Variants in ACTA2 observed in about 807,000 individuals in gnomAD.
ACTA2 encodes actin alpha 2, smooth muscle, also known as actin, aortic smooth muscle.
A neutral mutation model predicts 39.5 loss-of-function variants in ACTA2; 12 were observed. The ratio of observed to expected loss-of-function variants is 0.30; its 90% CI spans 0.19 to 0.49. ACTA2 has a LOEUF of 0.49. ACTA2 is among the 20% of genes least tolerant of loss of function. The pLI is 0.99. For missense variants in ACTA2, 236 were observed against 498.8 expected, an observed-to-expected ratio of 0.47 and a Z score of 5.02; for synonymous variants, 158 against 180.6, an observed-to-expected ratio of 0.88 and a Z score of 1.00.
At chr10:88,983,813 AACCC>A (rs909911790) in intron 1 of ACTA2, among the ~76,000 whole-genome samples, 42 of 152,290 alleles carry the variant, frequency 2.8e-4, no homozygotes, top group African/African-American at 9.6e-4. Context: ...AACTTTGATA[AACCC>A]ATTGAATGAC....
chr10:88,956,510 T>A (rs138403589), upstream of ACTA2, among the ~76,000 whole-genome samples: 833 of 152,320 alleles, frequency 5.5e-3, 5 homozygotes, highest in Middle Eastern at 0.027. Flanking sequence ...TTTAAGATTA[T>A]CGATTTAATC....
At chr10:88,989,760 T>A (rs1847055490) in intron 1 of ACTA2, among the ~76,000 whole-genome samples, 1 of 152,156 alleles carries the variant, frequency 6.6e-6, no homozygotes, top group East Asian at 1.9e-4. Context: ...TGAATCTAAT[T>A]GGGAAGGGAG....
At chr10:88,973,015 T>A (rs892173289) in intron 1 of ACTA2, among the ~76,000 whole-genome samples, 1 of 152,232 alleles carries the variant, frequency 6.6e-6, no homozygotes, top group Non-Finnish European at 1.5e-5. Flanking sequence ...AAAGCAAAAT[T>A]GAAACCATTT....
At chr10:88,940,583 G>A (rs1343201423) in intron 6 of ACTA2, 3 of 165,408 alleles carry the variant, frequency 1.8e-5, no homozygotes, top group East Asian at 3.2e-4. Flanking sequence ...CCAGCACTGA[G>A]GACATACAAT....
Position 88,939,561 on chromosome 10 carries a change from TG to T in ACTA2, c.753del (p.Ile252SerfsTer34), listed in dbSNP as rs772546477. On this transcript the variant is annotated frameshift_variant, in exon 7 of 9. Transcript: ENST00000224784. LOFTEE classifies it high-confidence loss of function. ...GGGCAGCGGAAACGTTCATTTCCGA[TG>T]GTGATCACTTGCCCATCAGGCAACT... ...SYELPDGQVITIGNERFRCPE... is the reference protein window; with the variant it reads ...SYELPDGQVIXIGNERFRCPE... 4 of 1,614,084 alleles carry T rather than the reference TG, an allele frequency of 2.5e-6. No homozygotes were observed.
chr10:88,972,069 C>T (rs1271696494), intron 1 of ACTA2, among the ~76,000 whole-genome samples: 1 of 151,986 alleles, frequency 6.6e-6, no homozygotes, highest in Non-Finnish European at 1.5e-5. Flanking sequence ...CCACCACGCC[C>T]AGTTAATTTT....
intron 1 of ACTA2, among the ~76,000 whole-genome samples, chr10:88,978,361 G>A (rs1846624947): frequency 6.6e-6 from 1 of 151,188 alleles, no homozygotes; most frequent in South Asian, 2.1e-4. Flanking sequence ...TAACTAACCT[G>A]CATAATGTGC....
At chr10:88,961,826 T>C (rs949363417) in intron 1 of ACTA2, among the ~76,000 whole-genome samples, 6 of 152,202 alleles carry the variant, frequency 3.9e-5, no homozygotes, top group Non-Finnish European at 8.8e-5. Context: ...GAAAAGGTAC[T>C]AGGCTTTATT....
At chr10:88,949,961 A>T (rs1196999825) in intron 1 of ACTA2, among the ~76,000 whole-genome samples, 1 of 152,106 alleles carries the variant, frequency 6.6e-6, no homozygotes, top group African/African-American at 2.4e-5. Context: ...AACCCATTTT[A>T]TACTTGGATC....
chr10:88,977,540 A>G (rs1256748766), intron 1 of ACTA2, among the ~76,000 whole-genome samples: 2 of 152,164 alleles, frequency 1.3e-5, no homozygotes, highest in Admixed American at 6.5e-5. Flanking sequence ...ATGAACTCAA[A>G]CAAATTTACA....
chr10:88,941,923 T>C (rs1312994852), intron 4 of ACTA2, 54 bp from the exon 5 acceptor site: 3 of 1,518,732 alleles, frequency 2.0e-6, no homozygotes, highest in Non-Finnish European at 2.7e-6. Flanking sequence ...TGACAAAGAA[T>C]GGTCAGGAGA....
At chr10:88,935,833 C>T (rs1845727401) in intron 8 of ACTA2, among the ~76,000 whole-genome samples, 2 of 152,186 alleles carry the variant, frequency 1.3e-5, no homozygotes, top group South Asian at 4.1e-4. Flanking sequence ...CCACTTTTCA[C>T]CCAGATGCTC....
intron 1 of ACTA2, among the ~76,000 whole-genome samples, chr10:88,969,098 CTT>C (rs565714974): frequency 5.3e-4 from 81 of 152,060 alleles, no homozygotes; most frequent in African/African-American, 1.8e-3. Flanking sequence ...TTTTTTCTCT[CTT>C]ATTAAATAAT....
At chr10:88,954,568 C>T (rs564755021), upstream of ACTA2, among the ~76,000 whole-genome samples, 8 of 152,128 alleles carry the variant, frequency 5.3e-5, no homozygotes, top group African/African-American at 1.2e-4. Context: ...GTAGTCCTTG[C>T]GATCTTTATG....
intron 1 of ACTA2, among the ~76,000 whole-genome samples, chr10:88,982,801 T>C (rs986343722): frequency 6.6e-6 from 1 of 152,222 alleles, no homozygotes; most frequent in Non-Finnish European, 1.5e-5. Flanking sequence ...ATGAGATTAC[T>C]GAATTTGTTG....
intron 1 of ACTA2, among the ~76,000 whole-genome samples, chr10:88,966,635 C>T (rs570504929): frequency 3.0e-4 from 46 of 152,224 alleles, no homozygotes; most frequent in African/African-American, 1.0e-3. Flanking sequence ...AATTCTGTCC[C>T]GGGAACCATG....
intron 1 of ACTA2, among the ~76,000 whole-genome samples, chr10:88,976,479 A>C (rs552791970): frequency 4.6e-5 from 7 of 152,240 alleles, no homozygotes; most frequent in African/African-American, 1.7e-4. Flanking sequence ...AAATTAGTAC[A>C]TTAATTACAT....
At chr10:88,972,266 C>T (rs7917538) in intron 1 of ACTA2, among the ~76,000 whole-genome samples, 3,312 of 152,154 alleles carry the variant, frequency 0.022, 113 homozygotes, top group African/African-American at 0.076. Context: ...CAATTGCTAA[C>T]GATTAAGGGG....
At chr10:88,954,371 G>A (rs1435238853), upstream of ACTA2, among the ~76,000 whole-genome samples, 1 of 151,440 alleles carries the variant, frequency 6.6e-6, no homozygotes, top group East Asian at 1.9e-4. Context: ...CAGAAAACAC[G>A]GCCATTAGAA....
Sources: gnomAD v4.1 joint callset for allele counts (sites outside exome capture counted in the v4.1 genomes callset) on GRCh38, gnomAD v4.1.1 for gene constraint, MANE v1.5 for transcripts, NCBI Gene and HGNC (gene_info 2026-07-23, HGNC 2026-07-21) for gene names.